N4BP2: variants seen among roughly 807,000 people sequenced by gnomAD.
N4BP2 encodes NEDD4-binding protein 2.
A neutral mutation model predicts 152.8 loss-of-function variants in N4BP2; 91 were observed. The observed-to-expected ratio is 0.60, with a 90% confidence interval of 0.50 to 0.71. The LOEUF is 0.71. Among genes scored for constraint, N4BP2 ranks in the 30% least tolerant of loss-of-function variants. N4BP2 has a pLI of 0.00. For missense variants in N4BP2, 1,923 were observed against 2,059.1 expected, an observed-to-expected ratio of 0.93 and a Z score of 1.28; for synonymous variants, 646 against 705.3, an observed-to-expected ratio of 0.92 and a Z score of 1.33.
intron 2 of N4BP2, among the ~76,000 whole-genome samples, chr4:40,089,463 G>A (rs1199272116): frequency 3.5e-5 from 4 of 113,328 alleles, no homozygotes; most frequent in African/African-American, 1.4e-4. Context: ...TTGAGTCATA[G>A]TCTTGCTCTG....
Position 40,121,264 on chromosome 4 carries a change from G to A in N4BP2, c.3153G>A (p.Pro1051=), listed in dbSNP as rs192918156. 88 of 1,613,132 alleles carry A rather than the reference G, an allele frequency of 5.5e-5. No individual in the cohort carries two copies. In the East Asian group the frequency reaches 6.0e-4, roughly 11 times the overall value. ...VLTGRLDGFK[P]KVFNINTKSD... is the part of the protein sequence containing the mutation. ...CAGGAAGATTAGATGGATTTAAGCC[G>A]AAAGTTTTCAATATTAACACAAAAT... The change falls in exon 9 of 18, where the codon CCG becomes CCA. Residue 1051 remains proline, a synonymous_variant. Transcript: ENST00000261435.
At chr4:40,180,922 C>T in the N4BP2 span, among the ~76,000 whole-genome samples, 4 of 152,222 alleles carry the variant, frequency 2.6e-5, no homozygotes, top group African/African-American at 9.6e-5. Flanking sequence ...GAGGCTGAGG[C>T]GGGTGGATCA....
chr4:40,094,631 A>G (rs139493820), intron 2 of N4BP2, among the ~76,000 whole-genome samples: 46 of 151,278 alleles, frequency 3.0e-4, no homozygotes, highest in Admixed American at 3.3e-4. Context: ...TCTCAGCTCA[A>G]TGCAACCTCT....
At chr4:40,077,711 C>A (rs994855080) in intron 2 of N4BP2, among the ~76,000 whole-genome samples, 5 of 152,160 alleles carry the variant, frequency 3.3e-5, no homozygotes, top group Non-Finnish European at 7.3e-5. Context: ...ACTTCAGCCT[C>A]CCAAAGTGCT....
chr4:40,154,055 A>T (rs1164082748), intron 17 of N4BP2, 137 bp from the exon 18 acceptor site: 1 of 609,944 alleles, frequency 1.6e-6, no homozygotes, highest in African/African-American at 2.0e-5. Context: ...TTGGTCTTGG[A>T]TATTGACTTA....
At chr4:40,080,465 T>C (rs1713246796) in intron 2 of N4BP2, among the ~76,000 whole-genome samples, 1 of 151,548 alleles carries the variant, frequency 6.6e-6, no homozygotes, top group Non-Finnish European at 1.5e-5. Context: ...CCCCTGCCTC[T>C]GTCTGGGACT....
chr4:40,064,725 T>G (rs1452908301), intron 1 of N4BP2, among the ~76,000 whole-genome samples: 1 of 152,042 alleles, frequency 6.6e-6, no homozygotes, highest in Non-Finnish European at 1.5e-5. Context: ...TTTGAGATAG[T>G]GGGAAACTTT....
intron 3 of N4BP2, among the ~76,000 whole-genome samples, chr4:40,097,784 C>T (rs986795745): frequency 6.6e-6 from 1 of 152,082 alleles, no homozygotes; most frequent in Non-Finnish European, 1.5e-5. Context: ...ATGTGCAGTT[C>T]TAGGTGTAAG....
rs560922153 is a variant in N4BP2, at chr4:40,147,601, C to T, written c.5143+2801C>T. Among the ~76,000 whole-genome samples the T allele has an allele frequency of 6.9e-3, 1,038 of 150,088 alleles. 3 individuals carry two copies. Among genetic ancestry groups the T allele is most frequent in the Non-Finnish European group, 0.01 (702 of 67,216 alleles). Reference sequence around the variant, plus strand: ...CGGGTGGGGGCTGACCCCCCCACCTCCCTCCCGGACGGGGCGGCTGGCCGG... The same window carrying T: ...CGGGTGGGGGCTGACCCCCCCACCTTCCTCCCGGACGGGGCGGCTGGCCGG... On this transcript the variant is annotated intron_variant, in intron 16 of 17. Coordinates refer to ENST00000261435, the MANE Select transcript of N4BP2 (RefSeq NM_018177.6).
rs1465911232 is a variant in N4BP2 at position 40,131,828 on chromosome 4, G to C, written c.4555G>C (p.Asp1519His). 3.7e-6 allele frequency: 6 copies of C among 1,613,250 alleles called. No homozygotes were observed. In the Admixed American group the frequency reaches 5.0e-5, roughly 13 times the overall value. The change falls in exon 13 of 18, where the codon GAT becomes CAT. Residue 1519 changes from aspartate (D) to histidine (H), a missense_variant. Transcript: ENST00000261435. Reference protein sequence around the residue: ...LKRETLMFEKDCATKLKEKQL... With the variant: ...LKRETLMFEKHCATKLKEKQL... The stretch of plus-strand genomic sequence containing the variant: ...AAGGGAGACCCTTATGTTTGAAAAA[G>C]ATTGTGCCACTAAACTAAAGGAGAA...
chr4:40,066,617 G>T (rs547419510), intron 1 of N4BP2, among the ~76,000 whole-genome samples: 11 of 152,310 alleles, frequency 7.2e-5, no homozygotes, highest in African/African-American at 2.2e-4. Flanking sequence ...ACCGTGCCTA[G>T]CCCTGGTCTG....
the N4BP2 span, among the ~76,000 whole-genome samples, chr4:40,165,914 C>G: frequency 1.3e-5 from 2 of 152,236 alleles, no homozygotes; most frequent in Non-Finnish European, 2.9e-5. Context: ...TTCCTCTCCT[C>G]CTTTCACCAA....
chr4:40,085,773 T>C (rs1713881880), intron 2 of N4BP2, among the ~76,000 whole-genome samples: 1 of 152,164 alleles, frequency 6.6e-6, no homozygotes, highest in Non-Finnish European at 1.5e-5. Context: ...GGGGAGAGAT[T>C]GATCAGCTGT....
At chr4:40,146,878 T>G (rs1351895957) in intron 16 of N4BP2, among the ~76,000 whole-genome samples, 1 of 150,800 alleles carries the variant, frequency 6.6e-6, no homozygotes, top group Non-Finnish European at 1.5e-5. Flanking sequence ...GCTTTTTTTT[T>G]TTTTTTTTTT....
At chr4:40,164,270 G>A in the N4BP2 span, among the ~76,000 whole-genome samples, 1 of 152,060 alleles carries the variant, frequency 6.6e-6, no homozygotes, top group Non-Finnish European at 1.5e-5. Context: ...GAGGGAAAGT[G>A]GAAGGAGGTT....
At chr4:40,091,007 T>TG (rs1455397355) in intron 2 of N4BP2, among the ~76,000 whole-genome samples, 1 of 148,252 alleles carries the variant, frequency 6.7e-6, no homozygotes, top group Non-Finnish European at 1.5e-5. Flanking sequence ...ATTTCTCTGT[T>TG]TTTTTTTTTT....
At chr4:40,141,069 A>T (rs562711079) in intron 14 of N4BP2, among the ~76,000 whole-genome samples, 1 of 151,558 alleles carries the variant, frequency 6.6e-6, no homozygotes, top group East Asian at 1.9e-4. Context: ...CAAAACCGCC[A>T]TTGTCATCAT....
intron 1 of N4BP2, among the ~76,000 whole-genome samples, chr4:40,061,652 A>G (rs906780609): frequency 2.0e-5 from 3 of 148,102 alleles, no homozygotes; most frequent in African/African-American, 7.5e-5. Flanking sequence ...GGCTTGAGCC[A>G]CTGTGTCTGG....
chr4:40,097,249 C>T lies in N4BP2; in HGVS notation c.-92C>T. ...TAGGTCTTTTTACTGCTGGATTGTG[C>T]AAGATATTTAACCCTATTTTGTTTG... On this transcript the variant is annotated 5_prime_UTR_variant, in exon 3 of 18. An upstream open reading frame in the 5' UTR gains an earlier in-frame stop. Transcript: ENST00000261435. 1 of 1,005,088 alleles carries T rather than the reference C, an allele frequency of 9.9e-7. No homozygotes were observed. The highest frequency in any genetic ancestry group is 1.5e-6 in the Non-Finnish European group (1 of 655,880). The allele number at this position is 1,005,088 out of a possible 1,614,324, so 62.3% of individuals were successfully genotyped here.
Sources: allele counts gnomAD v4.1 joint callset (sites outside exome capture counted in the v4.1 genomes callset), GRCh38; gene constraint gnomAD v4.1.1; transcripts MANE v1.5; gene names NCBI Gene and HGNC (gene_info 2026-07-23, HGNC 2026-07-21).